Variants in SOX5 observed in about 807,000 individuals in gnomAD.
SOX5 encodes the protein transcription factor SOX-5.
A neutral mutation model predicts 92.0 loss-of-function variants in SOX5; 9 were observed. The ratio of observed to expected loss-of-function variants is 0.10; its 90% CI spans 0.06 to 0.17. The LOEUF is 0.17. Among genes scored for constraint, SOX5 ranks in the 10% least tolerant of loss-of-function variants. SOX5 has a pLI of 1.00. For missense variants in SOX5, 642 were observed against 944.5 expected, an observed-to-expected ratio of 0.68 and a Z score of 4.20; for synonymous variants, 344 against 336.3, an observed-to-expected ratio of 1.02 and a Z score of -0.25.
intron 3 of SOX5, among the ~76,000 whole-genome samples, chr12:23,828,463 AACTC>A (rs1175660574): frequency 1.3e-5 from 2 of 152,216 alleles, no homozygotes; most frequent in African/African-American, 4.8e-5. Context: ...AAACTGCACA[AACTC>A]AGAGGTCAGT....
At chr12:23,829,088 C>G (rs1015614172) in intron 3 of SOX5, among the ~76,000 whole-genome samples, 1 of 151,966 alleles carries the variant, frequency 6.6e-6, no homozygotes, top group South Asian at 2.1e-4. Context: ...CTAGTGCTGT[C>G]CATGCCTTTC....
At chr12:24,482,381 A>T (rs1226810007) in intron 1 of SOX5, among the ~76,000 whole-genome samples, 4 of 152,346 alleles carry the variant, frequency 2.6e-5, no homozygotes, top group African/African-American at 7.2e-5. Context: ...ATAACATATT[A>T]AGAACAATTT....
In SOX5 at chr12:23,818,737, A is replaced by G. The variant is rs191041658; in HGVS notation, c.481+27246T>C. Among the ~76,000 whole-genome samples, 756 of 152,276 alleles carry G rather than the reference A, an allele frequency of 5.0e-3. 9 individuals carry two copies. Among genetic ancestry groups the G allele is most frequent in the African/African-American group, 0.018 (739 of 41,570 alleles). On this transcript the variant is annotated intron_variant, in intron 3 of 14. Transcript: ENST00000451604. Reference sequence around the variant, plus strand: ...ACACACATCATATAGCTATACAAAAACATATTATTTCCTTATATCCTTATT... The same window carrying G: ...ACACACATCATATAGCTATACAAAAGCATATTATTTCCTTATATCCTTATT...
At chr12:24,146,759 A>G (rs920833376) in intron 4 of SOX5, among the ~76,000 whole-genome samples, 1 of 151,666 alleles carries the variant, frequency 6.6e-6, no homozygotes, top group African/African-American at 2.4e-5. Flanking sequence ...AAAAGGAGAG[A>G]AGATACAAAT....
intron 1 of SOX5, among the ~76,000 whole-genome samples, chr12:24,497,540 G>GA (rs1947766480): frequency 1.3e-5 from 2 of 152,156 alleles, no homozygotes; most frequent in South Asian, 2.1e-4. Context: ...ACTGAGGACA[G>GA]AAAAAACAAC....
intron 3 of SOX5, among the ~76,000 whole-genome samples, chr12:23,785,719 T>C (rs975029352): frequency 1.3e-5 from 2 of 152,150 alleles, no homozygotes; most frequent in African/African-American, 2.4e-5. Flanking sequence ...GACTTATAGT[T>C]GGAATATACA....
At chr12:23,578,477 G>C (rs1949583369) in intron 9 of SOX5, among the ~76,000 whole-genome samples, 1 of 151,620 alleles carries the variant, frequency 6.6e-6, no homozygotes, top group Non-Finnish European at 1.5e-5. Context: ...AATAAAGGGG[G>C]ACTATTGAAA....
At chr12:23,937,709 AAACCT>A (rs1569131166) in intron 1 of SOX5, among the ~76,000 whole-genome samples, 1 of 150,956 alleles carries the variant, frequency 6.6e-6, no homozygotes, top group Non-Finnish European at 1.5e-5. Flanking sequence ...TTTATTAGTG[AAACCT>A]ACTTTGCCAG....
intron 4 of SOX5, among the ~76,000 whole-genome samples, chr12:24,208,788 C>T (rs1426384549): frequency 6.6e-6 from 1 of 152,132 alleles, no homozygotes; most frequent in African/African-American, 2.4e-5. Flanking sequence ...AAGTGAAAAG[C>T]AGAGGGAAGA....
At chr12:23,934,160 TAAATTATTCCCTCAGATA>T (rs1942024747) in intron 1 of SOX5, among the ~76,000 whole-genome samples, 1 of 151,466 alleles carries the variant, frequency 6.6e-6, no homozygotes, top group African/African-American at 2.4e-5. Flanking sequence ...ATTCATAAAA[TAAATTATTCCCTCAGATA>T]TCAGGGCTCC....
chr12:24,030,696 T>C (rs1397145493), intron 4 of SOX5, among the ~76,000 whole-genome samples: 1 of 151,856 alleles, frequency 6.6e-6, no homozygotes, highest in Non-Finnish European at 1.5e-5. Context: ...ACAAATGGGA[T>C]TATATCAAAC....
At chr12:23,638,052 A>G (rs1388966227) in intron 8 of SOX5, 2 of 152,148 alleles carry the variant, frequency 1.3e-5, no homozygotes, top group Admixed American at 1.3e-4. Flanking sequence ...CTCCTGGCCA[A>G]TAGTGGTGAC....
chr12:23,667,508 C>T (rs530447888), intron 6 of SOX5, among the ~76,000 whole-genome samples: 2 of 152,014 alleles, frequency 1.3e-5, no homozygotes, highest in African/African-American at 4.8e-5. Flanking sequence ...AGAGTGACAT[C>T]GAAATTTAAA....
intron 2 of SOX5, among the ~76,000 whole-genome samples, chr12:24,277,488 GTAAATTTACATTTAAATATATAAATATA>G (rs749058880): frequency 0.15 from 13,950 of 91,944 alleles, 921 homozygotes; most frequent in Admixed American, 0.28. Flanking sequence ...AAATATATAT[GTAAATTTACATTTAAATATATAAATATA>G]TATTTATATG....
intron 8 of SOX5, among the ~76,000 whole-genome samples, chr12:23,637,372 C>T (rs1460958659): frequency 1.3e-5 from 2 of 152,108 alleles, no homozygotes; most frequent in African/African-American, 2.4e-5. Flanking sequence ...CAACAACAAA[C>T]TCTTCAATGG....
intron 1 of SOX5, among the ~76,000 whole-genome samples, chr12:24,505,957 A>G (rs934625521): frequency 1.3e-5 from 2 of 152,020 alleles, no homozygotes; most frequent in African/African-American, 4.8e-5. Flanking sequence ...CGCATTATGA[A>G]TATTTATAGG....
intron 1 of SOX5, among the ~76,000 whole-genome samples, chr12:24,458,087 G>A (rs1943214136): frequency 6.6e-6 from 1 of 151,862 alleles, no homozygotes; most frequent in Non-Finnish European, 1.5e-5. Flanking sequence ...TATTGTGCAT[G>A]TGAATCACCT....
At chr12:24,493,821 A>T (rs1452945693) in intron 1 of SOX5, among the ~76,000 whole-genome samples, 1 of 151,652 alleles carries the variant, frequency 6.6e-6, no homozygotes, top group Non-Finnish European at 1.5e-5. Flanking sequence ...CGGAGATTGC[A>T]CCACTGCACT....
intron 4 of SOX5, among the ~76,000 whole-genome samples, chr12:24,009,831 T>A (rs966105342): frequency 2.0e-5 from 3 of 152,144 alleles, no homozygotes; most frequent in Middle Eastern, 3.4e-3. Flanking sequence ...TTCCCACCCA[T>A]CCCTAATACC....
Sources: gnomAD v4.1 joint callset for allele counts (sites outside exome capture counted in the v4.1 genomes callset) on GRCh38, gnomAD v4.1.1 for gene constraint, MANE v1.5 for transcripts, NCBI Gene and HGNC (gene_info 2026-07-23, HGNC 2026-07-21) for gene names.